Variants in RAD51B observed in about 807,000 individuals in gnomAD.
RAD51B encodes RAD51 paralog B.
RAD51B carries 38 observed loss-of-function variants against 42.2 expected under a neutral mutation model. The ratio of observed to expected loss-of-function variants is 0.90; its 90% CI spans 0.70 to 1.18. The LOEUF (loss-of-function observed/expected upper bound fraction) is 1.18, where lower values mean the gene tolerates loss of function less well. Among genes scored for constraint, RAD51B ranks in the 50% most tolerant of loss-of-function variants. RAD51B has a pLI of 0.00. For synonymous variants in RAD51B, 154 were observed against 145.2 expected, an observed-to-expected ratio of 1.06 and a Z score of -0.43; for missense variants, 373 against 400.7, an observed-to-expected ratio of 0.93 and a Z score of 0.59.
intron 10 of RAD51B, among the ~76,000 whole-genome samples, chr14:68,619,075 G>A (rs1595031385): frequency 6.6e-6 from 1 of 152,166 alleles, no homozygotes; most frequent in Non-Finnish European, 1.5e-5. Flanking sequence ...TAGCCAGTAG[G>A]GCTTAACACA....
intron 8 of RAD51B, among the ~76,000 whole-genome samples, chr14:68,388,307 C>T (rs1010274857): frequency 2.6e-5 from 4 of 151,714 alleles, no homozygotes; most frequent in East Asian, 1.9e-4. Flanking sequence ...TGTGTTGGCC[C>T]GGTTGATCTC....
At chr14:68,310,604 G>C (rs1178659499) in intron 8 of RAD51B, among the ~76,000 whole-genome samples, 1 of 152,176 alleles carries the variant, frequency 6.6e-6, no homozygotes, top group East Asian at 1.9e-4. Flanking sequence ...CCAGCACTTT[G>C]GGAGGCCGAG....
intron 10 of RAD51B, among the ~76,000 whole-genome samples, chr14:68,629,094 C>G (rs1469229454): frequency 6.6e-6 from 1 of 152,182 alleles, no homozygotes; most frequent in Admixed American, 6.5e-5. Flanking sequence ...CAGCCCCACA[C>G]GATGCCCAAC....
chr14:68,156,336 T>G (rs574509897), intron 7 of RAD51B, among the ~76,000 whole-genome samples: 5 of 152,378 alleles, frequency 3.3e-5, no homozygotes, highest in African/African-American at 1.2e-4. Flanking sequence ...AATATTTTGC[T>G]ATAACATTGT....
intron 9 of RAD51B, among the ~76,000 whole-genome samples, chr14:68,423,318 C>A (rs1050979263): frequency 6.6e-6 from 1 of 152,154 alleles, no homozygotes; most frequent in Non-Finnish European, 1.5e-5. Flanking sequence ...AACAATCCCC[C>A]CAAAGCCCCA....
At chr14:68,316,633 A>G (rs2082069196) in intron 8 of RAD51B, among the ~76,000 whole-genome samples, 1 of 152,176 alleles carries the variant, frequency 6.6e-6, no homozygotes, top group Non-Finnish European at 1.5e-5. Flanking sequence ...ACAGAACAAC[A>G]GCGCCTTTGT....
chr14:68,626,667 T>C (rs1228972962), intron 10 of RAD51B, among the ~76,000 whole-genome samples: 1 of 152,202 alleles, frequency 6.6e-6, no homozygotes, highest in Non-Finnish European at 1.5e-5. Flanking sequence ...TGGTGGCTGA[T>C]TTCTAGAGCA....
At chr14:68,542,773 T>C (rs1888035158) in intron 10 of RAD51B, among the ~76,000 whole-genome samples, 1 of 152,186 alleles carries the variant, frequency 6.6e-6, no homozygotes, top group Admixed American at 6.5e-5. Flanking sequence ...GGGGCATGCA[T>C]CCTATTTCGA....
intron 10 of RAD51B, among the ~76,000 whole-genome samples, chr14:68,590,089 A>G (rs534378222): frequency 6.6e-6 from 1 of 152,238 alleles, no homozygotes; most frequent in Admixed American, 6.5e-5. Flanking sequence ...GCCTAGCCTC[A>G]CACAGGTCAC....
At chr14:68,342,310 C>T (rs975166649) in intron 8 of RAD51B, among the ~76,000 whole-genome samples, 1 of 152,190 alleles carries the variant, frequency 6.6e-6, no homozygotes, top group African/African-American at 2.4e-5. Context: ...TAGTCAAGGG[C>T]TTCAGGGGGA....
chr14:67,871,075 A>G (rs1420421292), intron 5 of RAD51B, among the ~76,000 whole-genome samples: 1 of 152,220 alleles, frequency 6.6e-6, no homozygotes, highest in Non-Finnish European at 1.5e-5. Flanking sequence ...AAGGCAGGAA[A>G]TAACTAAAAT....
intron 7 of RAD51B, among the ~76,000 whole-genome samples, chr14:68,051,007 A>G (rs1014503921): frequency 6.6e-6 from 1 of 151,784 alleles, no homozygotes; most frequent in African/African-American, 2.4e-5. Context: ...TATTAAATAT[A>G]TATATATCAA....
intron 7 of RAD51B, among the ~76,000 whole-genome samples, chr14:68,035,267 A>G (rs1280317992): frequency 6.6e-6 from 1 of 152,348 alleles, no homozygotes; most frequent in East Asian, 1.9e-4. Context: ...TTCGTTTTAC[A>G]GTGTTCAAAA....
At chr14:68,218,964 A>G (rs17105200) in intron 7 of RAD51B, among the ~76,000 whole-genome samples, 3,769 of 152,340 alleles carry the variant, frequency 0.025, 172 homozygotes, top group African/African-American at 0.087. Context: ...TGACAGGACA[A>G]TGGGAAAATT....
chr14:68,094,861 C>A (rs1015175424), intron 7 of RAD51B, among the ~76,000 whole-genome samples: 3 of 152,194 alleles, frequency 2.0e-5, no homozygotes, highest in African/African-American at 7.2e-5. Flanking sequence ...AAGAAAAATT[C>A]TCCTAAATGA....
At chr14:68,671,556 C>A (rs535184259) in intron 11 of RAD51B, among the ~76,000 whole-genome samples, 1 of 152,110 alleles carries the variant, frequency 6.6e-6, no homozygotes, top group Non-Finnish European at 1.5e-5. Flanking sequence ...ACTCTGCTCT[C>A]TCCCCCAACA....
intron 7 of RAD51B, among the ~76,000 whole-genome samples, chr14:67,985,967 A>G (rs935889722): frequency 2.0e-5 from 3 of 152,040 alleles, no homozygotes; most frequent in Admixed American, 2.0e-4. Context: ...ATTTTGTATA[A>G]TGGCTCATTT....
At chr14:67,827,562 A>G (rs1209928600) in intron 3 of RAD51B, among the ~76,000 whole-genome samples, 2 of 151,738 alleles carry the variant, frequency 1.3e-5, no homozygotes, top group Non-Finnish European at 2.9e-5. Context: ...GGTTTGCTGT[A>G]TGGATCATCC....
At chr14:68,663,032 G>T (rs1235276148) in intron 11 of RAD51B, among the ~76,000 whole-genome samples, 1 of 152,264 alleles carries the variant, frequency 6.6e-6, no homozygotes, top group Non-Finnish European at 1.5e-5. Flanking sequence ...CAGGCGTGGT[G>T]GGTCACCCCT....
Sources: allele counts gnomAD v4.1 joint callset (sites outside exome capture counted in the v4.1 genomes callset), GRCh38; gene constraint gnomAD v4.1.1; transcripts MANE v1.5; gene names NCBI Gene and HGNC (gene_info 2026-07-23, HGNC 2026-07-21).